TBCK: variants seen among roughly 807,000 people sequenced by gnomAD.
The protein encoded by TBCK is TBC domain-containing protein kinase-like protein.
Under a neutral mutation model 113.4 loss-of-function variants are expected in TBCK, and 99 were observed. The observed-to-expected ratio is 0.87, with a 90% confidence interval of 0.74 to 1.03. TBCK has a LOEUF of 1.03. Among genes scored for constraint, TBCK ranks in the 50% least tolerant of loss-of-function variants. The pLI, the probability that TBCK is intolerant of heterozygous loss-of-function variation, is 0.00. For missense variants in TBCK, 1,045 were observed against 1,061.3 expected, an observed-to-expected ratio of 0.98 and a Z score of 0.21; for synonymous variants, 369 against 370.8, an observed-to-expected ratio of 1.00 and a Z score of 0.05.
At chr4:106,195,773 C>G (rs1754161961) in intron 20 of TBCK, among the ~76,000 whole-genome samples, 1 of 151,968 alleles carries the variant, frequency 6.6e-6, no homozygotes, top group African/African-American at 2.4e-5. Context: ...ACAAACACCT[C>G]TAGACTCTCA....
intron 23 of TBCK, among the ~76,000 whole-genome samples, chr4:106,143,140 A>T (rs1747329747): frequency 6.6e-6 from 1 of 152,058 alleles, no homozygotes; most frequent in Non-Finnish European, 1.5e-5. Context: ...TCTACCCCAA[A>T]TTTCTAAATA....
chr4:106,169,411 G>A lies in TBCK; in HGVS notation c.2235+1684C>T, dbSNP rs148037906. Among the ~76,000 whole-genome samples, 699 of 152,176 alleles carry A rather than the reference G, an allele frequency of 4.6e-3. 5 individuals carry two copies. The Middle Eastern group carries it at 0.061, about 13-fold the overall frequency. On this transcript the variant is annotated intron_variant, in intron 23 of 25. Coordinates refer to ENST00000394708, the MANE Select transcript of TBCK (RefSeq NM_001163435.3). ...CCACATAAATACAACCAACTAATCT[G>A]TGAAAGGAACAAAGGCAATAAAATG... is the stretch of plus-strand genomic sequence containing the variant.
In TBCK at chr4:106,062,509, C is replaced by T. The variant is rs1466813980; in HGVS notation, c.2572-15829G>A. On this transcript the variant is annotated intron_variant, in intron 25 of 25. Transcript: ENST00000394708. ...TGTTCAAGCCACTGGTCATATTACA[C>T]AAAGTACGCTATGCCCTGAAAAGAA... is the stretch of plus-strand genomic sequence containing the variant. Among the ~76,000 whole-genome samples, 7 of 152,010 alleles carry T rather than the reference C, an allele frequency of 4.6e-5. No homozygotes were observed. The East Asian group carries it at 1.4e-3, about 29-fold the overall frequency.
rs148182600 is a variant in TBCK, at chr4:106,066,999, C to T, written c.2572-20319G>A. On this transcript the variant is annotated intron_variant, in intron 25 of 25. Transcript: ENST00000394708. Reference sequence around the variant, plus strand: ...ATTGGTGTACAATATCTGTTTGAGTCCCTGTTTTCAATTCTTTTTGGTAAG... The same window carrying T: ...ATTGGTGTACAATATCTGTTTGAGTTCCTGTTTTCAATTCTTTTTGGTAAG... Among the ~76,000 whole-genome samples, 141 of 152,076 alleles carry T rather than the reference C, an allele frequency of 9.3e-4. 1 individual carries two copies. The highest frequency in any genetic ancestry group is 3.3e-3 in the African/African-American group (135 of 41,516).
chr4:106,193,525 G>A (rs376901494), intron 22 of TBCK, 84 bp downstream of exon 22: 77 of 1,445,854 alleles, frequency 5.3e-5, no homozygotes, highest in East Asian at 4.4e-4. Flanking sequence ...AGGCCTGGAT[G>A]GTTATTTTTG....
Position 106,043,463 on chromosome 4 carries a change from T to C in TBCK, c.*3107A>G, listed in dbSNP as rs1194500319. 2 of 152,230 alleles carry C rather than the reference T, an allele frequency of 1.3e-5. No individual in the cohort carries two copies. Among genetic ancestry groups the C allele is most frequent in the Non-Finnish European group, 2.9e-5 (2 of 68,042 alleles). 9.4% of individuals were successfully genotyped at this position (152,230 alleles called of 1,614,324 possible). On this transcript the variant is annotated 3_prime_UTR_variant, in exon 26 of 26. Transcript: ENST00000394708. ...TAAAATTGATAGATTCAATTTTATA[T>C]TAATTGAGCATATCCAATGTGGTGG...
At chr4:106,269,080 C>G (rs1763251854) in intron 3 of TBCK, among the ~76,000 whole-genome samples, 1 of 152,060 alleles carries the variant, frequency 6.6e-6, no homozygotes. Context: ...CAGAAATTTT[C>G]CTTTTGGTCT....
intron 20 of TBCK, among the ~76,000 whole-genome samples, chr4:106,198,202 T>A (rs2149830984): frequency 6.6e-6 from 1 of 152,162 alleles, no homozygotes; most frequent in East Asian, 1.9e-4. Flanking sequence ...GTCAAGTTAG[T>A]TAACCTCTGT....
At chr4:106,144,793 A>T (rs1467529891) in intron 23 of TBCK, among the ~76,000 whole-genome samples, 1 of 147,300 alleles carries the variant, frequency 6.8e-6, no homozygotes, top group East Asian at 2.0e-4. Context: ...GGAGACCGAG[A>T]CAGGTGGATC....
At chr4:106,201,436 T>C (rs956986118) in intron 20 of TBCK, among the ~76,000 whole-genome samples, 8 of 152,122 alleles carry the variant, frequency 5.3e-5, no homozygotes, top group African/African-American at 1.9e-4. Context: ...TTATTAGCTA[T>C]TTCCTGATTT....
intron 25 of TBCK, among the ~76,000 whole-genome samples, chr4:106,052,355 T>C (rs534060835): frequency 1.3e-5 from 2 of 151,972 alleles, no homozygotes; most frequent in Non-Finnish European, 2.9e-5. Context: ...ATGCTAATTA[T>C]GTATTTTTAA....
chr4:106,100,666 T>C (rs1355372477), intron 24 of TBCK, among the ~76,000 whole-genome samples: 1 of 152,188 alleles, frequency 6.6e-6, no homozygotes. Context: ...TTAAAGTAAT[T>C]TTTCTGAAAT....
At position 106,236,775 on chromosome 4, in the gene TBCK, G is replaced by C; in HGVS notation, c.1204C>G (p.Pro402Ala). Residue 402 changes from proline (P) to alanine (A), a missense_variant, in exon 13 of 26, where the codon CCA becomes GCA. By Grantham distance (27) the Pro-to-Ala change is conservative. Coordinates refer to ENST00000394708, the MANE Select transcript of TBCK (RefSeq NM_001163435.3). ...TATACTCACTCATCTTCAAGTAATG[G>C]GTAAAATGCTTCTCCACCAACATCT... ...LKDVGGEAFY[P>A]LLEDDQSNLP... 1 of 1,513,630 alleles carries C rather than the reference G, an allele frequency of 6.6e-7. No homozygotes were observed. Among genetic ancestry groups the C allele is most frequent in the South Asian group, 1.4e-5 (1 of 72,860 alleles). The allele number at this position is 1,513,630 out of a possible 1,614,324, so 93.8% of individuals were successfully genotyped here.
At chr4:106,156,445 T>C (rs1749132602) in intron 23 of TBCK, among the ~76,000 whole-genome samples, 1 of 151,850 alleles carries the variant, frequency 6.6e-6, no homozygotes, top group African/African-American at 2.4e-5. Flanking sequence ...CCAGCCAGGG[T>C]TTTTCCTTCC....
intron 12 of TBCK, among the ~76,000 whole-genome samples, chr4:106,241,483 A>G (rs1162248202): frequency 1.3e-5 from 2 of 151,996 alleles, no homozygotes; most frequent in Non-Finnish European, 1.5e-5. Flanking sequence ...CCCTTGCTAG[A>G]TATCAACAGT....
intron 24 of TBCK, among the ~76,000 whole-genome samples, chr4:106,105,899 A>C (rs1004553920): frequency 2.0e-5 from 3 of 152,218 alleles, no homozygotes; most frequent in Non-Finnish European, 4.4e-5. Flanking sequence ...AAGAGTTCTT[A>C]ATCATGCCGA....
At chr4:106,165,258 A>G (rs1296257814) in intron 23 of TBCK, among the ~76,000 whole-genome samples, 1 of 151,824 alleles carries the variant, frequency 6.6e-6, no homozygotes, top group East Asian at 1.9e-4. Flanking sequence ...CTTCAGTCAG[A>G]ATTCTCAAGC....
intron 20 of TBCK, among the ~76,000 whole-genome samples, chr4:106,202,178 C>T (rs1459728707): frequency 1.1e-4 from 2 of 18,718 alleles, no homozygotes; most frequent in African/African-American, 4.3e-4. Context: ...AAAAGATACA[C>T]ACTTTTTTTT....
chr4:106,172,405 T>C (rs1349856546), intron 22 of TBCK, among the ~76,000 whole-genome samples: 1 of 152,118 alleles, frequency 6.6e-6, no homozygotes, highest in African/African-American at 2.4e-5. Context: ...GCCAGTCCTC[T>C]ATGGCGAAAG....
Sources: gnomAD v4.1 joint callset for allele counts (sites outside exome capture counted in the v4.1 genomes callset) on GRCh38, gnomAD v4.1.1 for gene constraint, MANE v1.5 for transcripts, NCBI Gene and HGNC (gene_info 2026-07-23, HGNC 2026-07-21) for gene names.